The following PRR16 variants were observed in gnomAD, a reference collection of about 807,000 sequenced individuals.
PRR16 encodes the protein proline rich 16, also known as protein Largen.
Under a neutral mutation model 18.2 loss-of-function variants are expected in PRR16, and 6 were observed. That is an observed-to-expected ratio of 0.33 (90% CI 0.18 to 0.65). PRR16 has a LOEUF of 0.65. Ranked by LOEUF, PRR16 falls within the 30% of genes least tolerant of loss-of-function variation. PRR16 has a pLI of 0.74. For synonymous variants in PRR16, 151 were observed against 147.8 expected, an observed-to-expected ratio of 1.02 and a Z score of -0.16; for missense variants, 412 against 376.6, an observed-to-expected ratio of 1.09 and a Z score of -0.78.
At chr5:120,623,993 C>T (rs571671805) in intron 1 of PRR16, among the ~76,000 whole-genome samples, 2 of 152,008 alleles carry the variant, frequency 1.3e-5, no homozygotes, top group South Asian at 4.1e-4. Context: ...CAATTGTATG[C>T]TTAATGTTTG....
chr5:120,472,159 G>C (rs1749290300), intron 1 of PRR16, among the ~76,000 whole-genome samples: 1 of 152,120 alleles, frequency 6.6e-6, no homozygotes, highest in South Asian at 2.1e-4. Flanking sequence ...CAATGACACA[G>C]TTATCATGAT....
intron 1 of PRR16, among the ~76,000 whole-genome samples, chr5:120,658,661 A>G (rs1756068660): frequency 6.6e-6 from 1 of 151,962 alleles, no homozygotes; most frequent in Non-Finnish European, 1.5e-5. Context: ...ACATATGCAT[A>G]TGGAACTCCA....
chr5:120,495,048 T>C (rs556560967), intron 1 of PRR16, among the ~76,000 whole-genome samples: 2 of 152,254 alleles, frequency 1.3e-5, no homozygotes, highest in South Asian at 4.1e-4. Flanking sequence ...TTTTTCAAAA[T>C]GGCTTTCGCT....
At chr5:120,770,261 G>C in the PRR16 span, among the ~76,000 whole-genome samples, 1 of 151,930 alleles carries the variant, frequency 6.6e-6, no homozygotes, top group East Asian at 1.9e-4. Context: ...TAAGCCAGTA[G>C]AACAGAATAG....
At chr5:120,697,062 T>C in the PRR16 span, among the ~76,000 whole-genome samples, 3 of 152,328 alleles carry the variant, frequency 2.0e-5, no homozygotes, top group African/African-American at 7.2e-5. Context: ...ATGTTGACTT[T>C]TTTAAAACAA....
At chr5:120,607,304 T>C (rs556626319) in intron 1 of PRR16, among the ~76,000 whole-genome samples, 1 of 152,214 alleles carries the variant, frequency 6.6e-6, no homozygotes, top group African/African-American at 2.4e-5. Context: ...TTAGTGTTTG[T>C]TTTTTATATA....
chr5:120,776,934 T>C, the PRR16 span, among the ~76,000 whole-genome samples: 1 of 152,178 alleles, frequency 6.6e-6, no homozygotes, highest in African/African-American at 2.4e-5. Flanking sequence ...GCTTAAATTG[T>C]ATAAATAAAG....
chr5:120,719,106 A>G, the PRR16 span, among the ~76,000 whole-genome samples: 7 of 152,092 alleles, frequency 4.6e-5, no homozygotes, highest in Non-Finnish European at 8.8e-5. Flanking sequence ...TGTGTAAGGT[A>G]TCTTAAAGAT....
At chr5:120,784,887 T>C in the PRR16 span, among the ~76,000 whole-genome samples, 11 of 152,210 alleles carry the variant, frequency 7.2e-5, no homozygotes, top group Non-Finnish European at 1.5e-4. Flanking sequence ...GGAATATCCA[T>C]GGCACCATCC....
chr5:120,605,214 A>C (rs1482625391), intron 1 of PRR16, among the ~76,000 whole-genome samples: 1 of 152,084 alleles, frequency 6.6e-6, no homozygotes, highest in African/African-American at 2.4e-5. Context: ...TCTTCAGATA[A>C]TCCTGTATTT....
the PRR16 span, among the ~76,000 whole-genome samples, chr5:120,716,056 A>C: frequency 6.6e-6 from 1 of 152,208 alleles, no homozygotes; most frequent in Non-Finnish European, 1.5e-5. Context: ...CAGCAGCAAC[A>C]ACAACAACAA....
intron 1 of PRR16, among the ~76,000 whole-genome samples, chr5:120,534,255 A>C (rs558297190): frequency 6.6e-6 from 1 of 152,234 alleles, no homozygotes; most frequent in Non-Finnish European, 1.5e-5. Flanking sequence ...AGAGGGTCAA[A>C]GATTGAGTCT....
At chr5:120,710,624 G>A in the PRR16 span, 1 of 152,058 alleles carries the variant, frequency 6.6e-6, no homozygotes, top group East Asian at 1.9e-4. Context: ...GTTTTCTATT[G>A]CTGCTGTAAC....
chr5:120,675,068 AATTC>A (rs1413628060), intron 1 of PRR16, among the ~76,000 whole-genome samples: 2 of 152,248 alleles, frequency 1.3e-5, no homozygotes, highest in East Asian at 3.9e-4. Flanking sequence ...AACATTGATC[AATTC>A]ATTCATTTTG....
At chr5:120,673,414 G>T (rs750189609) in intron 1 of PRR16, among the ~76,000 whole-genome samples, 12 of 152,128 alleles carry the variant, frequency 7.9e-5, no homozygotes, top group African/African-American at 1.2e-4. Flanking sequence ...CTTATTTTAT[G>T]GGTCTTTAAA....
intron 1 of PRR16, among the ~76,000 whole-genome samples, chr5:120,569,440 A>C: frequency 6.6e-6 from 1 of 152,076 alleles, no homozygotes; most frequent in African/African-American, 2.4e-5. Flanking sequence ...AAATGGAGAA[A>C]CCGGAGTGAG....
the PRR16 span, among the ~76,000 whole-genome samples, chr5:120,785,403 C>T: frequency 4.6e-5 from 7 of 152,086 alleles, no homozygotes; most frequent in South Asian, 6.2e-4. Context: ...CTCATCATGA[C>T]GCCTTATTTC....
intron 1 of PRR16, among the ~76,000 whole-genome samples, chr5:120,559,717 G>A (rs1241979064): frequency 2.6e-5 from 4 of 151,738 alleles, no homozygotes. Flanking sequence ...GATAGGAATT[G>A]GCGTTGAATC....
chr5:120,475,995 G>A (rs1749429399), intron 1 of PRR16, among the ~76,000 whole-genome samples: 1 of 152,092 alleles, frequency 6.6e-6, no homozygotes, highest in Non-Finnish European at 1.5e-5. Context: ...TTCTTGCTGA[G>A]AAGAGGATTT....
Sources: allele counts gnomAD v4.1 joint callset (sites outside exome capture counted in the v4.1 genomes callset), GRCh38; gene constraint gnomAD v4.1.1; transcripts MANE v1.5; gene names NCBI Gene and HGNC (gene_info 2026-07-23, HGNC 2026-07-21).